NINJ2: variants seen among roughly 807,000 people sequenced by gnomAD.
The protein encoded by NINJ2 is ninjurin 2.
In NINJ2, 12 loss-of-function variants were observed where a neutral mutation model predicts 11.7. The observed-to-expected ratio is 1.02, with a 90% CI of 0.66 to 1.66. The LOEUF (loss-of-function observed/expected upper bound fraction) is 1.66, where lower values mean the gene tolerates loss of function less well. NINJ2 is among the 40% of genes most tolerant of loss of function. The pLI, the probability that NINJ2 is intolerant of heterozygous loss-of-function variation, is 0.00. For synonymous variants in NINJ2, 93 were observed against 76.8 expected, an observed-to-expected ratio of 1.21 and a Z score of -1.10; for missense variants, 187 against 181.8, an observed-to-expected ratio of 1.03 and a Z score of -0.16.
chr12:629,586 T>G (rs1948246582), intron 1 of NINJ2, among the ~76,000 whole-genome samples: 1 of 152,084 alleles, frequency 6.6e-6, no homozygotes, highest in Non-Finnish European at 1.5e-5. Flanking sequence ...GTAAATTGTC[T>G]TAAAACATTA....
rs1947536681 is a variant in NINJ2, at chr12:580,601, AT to A, written c.34-14424del. 1.5e-3 allele frequency among the ~76,000 whole-genome samples: 46 copies of A among 30,958 alleles called. No individual in the cohort carries two copies. Among genetic ancestry groups the A allele is most frequent in the African/African-American group, 3.9e-3 (35 of 9,004 alleles). 20.3% of individuals were successfully genotyped at this position (30,958 alleles called of 152,430 possible). A position where few individuals can be genotyped will look rare whatever the true frequency, so the allele number is the denominator to read the frequency against. On this transcript the variant is annotated intron_variant, in intron 1 of 3. Transcript: ENST00000305108. This position sits in a 1 kb window ranked among gnomAD's most constrained non-coding sequence, Gnocchi z 4.7. ...GACCCTGTCTCAAAAAAAAAAAAAT[AT>A]ATATATATATATATCCATTTGTCAT... is the stretch of plus-strand genomic sequence containing the variant.
intron 1 of NINJ2, chr12:589,721 G>T (rs1008343584): frequency 6.6e-6 from 1 of 152,214 alleles, no homozygotes; most frequent in African/African-American, 2.4e-5. Flanking sequence ...ACAAGCATGT[G>T]CTGGGTATGC....
rs371435239 is a variant in NINJ2, at chr12:566,083, G to T, written c.129C>A (p.Phe43Leu). ...CCTTCAGCCGCATGGCGTTGGACAT[G>T]AACAGGGCCACGTCCAGCATGCTCT... ...VAESMLDVAL[F>L]MSNAMRLKAV... The change falls in exon 2 of 4, where the codon TTC (phenylalanine) becomes TTA (leucine). Residue 43 changes from phenylalanine to leucine, a missense_variant. Coordinates refer to ENST00000305108, the MANE Select transcript of NINJ2 (RefSeq NM_016533.6). 1 of 1,614,200 alleles carries T rather than the reference G, an allele frequency of 6.2e-7. No homozygotes were observed. Among genetic ancestry groups the T allele is most frequent in the South Asian group, 1.1e-5 (1 of 91,080 alleles).
chr12:579,431 A>C (rs1389629723), intron 1 of NINJ2, among the ~76,000 whole-genome samples: 1 of 152,062 alleles, frequency 6.6e-6, no homozygotes, highest in African/African-American at 2.4e-5. Flanking sequence ...GACTCTTGAG[A>C]CCCCCAAATT....
chr12:622,586 T>A (rs1425009882), intron 1 of NINJ2, among the ~76,000 whole-genome samples: 1 of 152,070 alleles, frequency 6.6e-6, no homozygotes, highest in Non-Finnish European at 1.5e-5. Context: ...ACTGCACACG[T>A]TTGCAGCATA....
intron 1 of NINJ2, among the ~76,000 whole-genome samples, chr12:574,476 G>A (rs1172899402): frequency 6.6e-6 from 1 of 152,104 alleles, no homozygotes; most frequent in African/African-American, 2.4e-5. Flanking sequence ...AGGCAATTGG[G>A]TCACGAGGGC....
In NINJ2 at chr12:566,046, G is replaced by GCT. The variant is rs756600982; in HGVS notation, c.164_165dup (p.Gln56SerfsTer36). 3 of 1,614,210 alleles carry GCT rather than the reference G, an allele frequency of 1.9e-6. No homozygotes were observed. The highest frequency in any genetic ancestry group is 4.5e-5 in the East Asian group (2 of 44,874). On this transcript the variant is annotated frameshift_variant, in exon 2 of 4. Coordinates refer to ENST00000305108, the MANE Select transcript of NINJ2 (RefSeq NM_016533.6). LOFTEE classifies it high-confidence loss of function. Reference sequence around the variant, plus strand: ...GTGTAGTAGTGAGAGGATGGTCCCTGCTCCAGCACCGCCTTCAGCCGCATG... The same window carrying GCT: ...GTGTAGTAGTGAGAGGATGGTCCCTGCTCTCCAGCACCGCCTTCAGCCGCATG...
rs1316156798 is a variant in NINJ2 at position 585,533 on chromosome 12, TTGGAGGGAAGGGAAGGGAAC to T, written c.34-19375_34-19356del. ...GGTTGGAGGGAAGGGAAGGGAACGG[TTGGAGGGAAGGGAAGGGAAC>T]GGTTGGAGGGAAGGGAGGCTGAGCA... On this transcript the variant is annotated intron_variant, in intron 1 of 3. Transcript: ENST00000305108. This position sits in a 1 kb window ranked among gnomAD's most constrained non-coding sequence, Gnocchi z 4.1. Among the ~76,000 whole-genome samples, 39,254 of 135,574 alleles carry T rather than the reference TTGGAGGGAAGGGAAGGGAAC, an allele frequency of 0.29. 5,859 individuals are homozygous for T. The highest frequency in any genetic ancestry group is 0.38 in the Admixed American group (5,326 of 14,096). 88.9% of individuals were successfully genotyped at this position (135,574 alleles called of 152,430 possible). A position where few individuals can be genotyped will look rare whatever the true frequency, so the allele number is the denominator to read the frequency against.
At position 604,440 on chromosome 12, in the gene NINJ2, C is replaced by T. The variant is rs189826202; in HGVS notation, c.34-38262G>A. ...ATCACTTGAGGTCAGGAGTTCGAGA[C>T]GAGCCTGGTCAACATGGTGAAACCC... On this transcript the variant is annotated intron_variant, in intron 1 of 3. Transcript: ENST00000305108. Among the ~76,000 whole-genome samples, 274 of 152,200 alleles carry T rather than the reference C, an allele frequency of 1.8e-3. 1 individual carries two copies. The highest frequency in any genetic ancestry group is 6.3e-3 in the African/African-American group (261 of 41,518).
intron 1 of NINJ2, among the ~76,000 whole-genome samples, chr12:572,170 G>A (rs961955241): frequency 1.3e-5 from 2 of 152,252 alleles, no homozygotes; most frequent in African/African-American, 4.8e-5. Flanking sequence ...GAGTAATCTA[G>A]GGATGGGAAA....
intron 1 of NINJ2, among the ~76,000 whole-genome samples, chr12:619,797 C>T (rs560116983): frequency 1.3e-5 from 2 of 152,322 alleles, no homozygotes; most frequent in East Asian, 3.9e-4. Context: ...ATAGTGACTA[C>T]CATTTCAGGG....
intron 1 of NINJ2, among the ~76,000 whole-genome samples, chr12:642,195 GA>G (rs912614520): frequency 6.6e-6 from 1 of 151,874 alleles, no homozygotes; most frequent in African/African-American, 2.4e-5. Flanking sequence ...AATCAGAGAG[GA>G]AAAAAAAGTC....
intron 1 of NINJ2, among the ~76,000 whole-genome samples, chr12:570,012 G>A (rs1380871752): frequency 6.6e-6 from 1 of 152,230 alleles, no homozygotes; most frequent in Admixed American, 6.5e-5. Context: ...CGCGCAGGAC[G>A]GGATTAATGG....
chr12:660,476 G>A (rs905303294), intron 1 of NINJ2, among the ~76,000 whole-genome samples: 1 of 151,506 alleles, frequency 6.6e-6, no homozygotes, highest in Non-Finnish European at 1.5e-5. Flanking sequence ...GAGTAGCTGG[G>A]ACTACAGGCG....
At chr12:604,898 CA>C (rs1947920899) in intron 1 of NINJ2, among the ~76,000 whole-genome samples, 1 of 152,214 alleles carries the variant, frequency 6.6e-6, no homozygotes, top group Non-Finnish European at 1.5e-5. Flanking sequence ...TTTTCCAGAG[CA>C]GTGCTCTTGC....
intron 1 of NINJ2, 24 bp downstream of exon 1, chr12:663,304 T>C (rs1311939899): frequency 6.2e-7 from 1 of 1,611,366 alleles, no homozygotes; most frequent in South Asian, 1.1e-5. Context: ...GTCTCCCCTC[T>C]GCTCTCTTCC....
chr12:577,444 A>AC (rs1947483040), intron 1 of NINJ2, among the ~76,000 whole-genome samples: 3 of 66,084 alleles, frequency 4.5e-5, no homozygotes, highest in Non-Finnish European at 7.5e-5. Flanking sequence ...TATATATATA[A>AC]ATATTTTGGC....
At chr12:651,000 G>A (rs1359384342) in intron 1 of NINJ2, among the ~76,000 whole-genome samples, 6 of 152,158 alleles carry the variant, frequency 3.9e-5, no homozygotes, top group Non-Finnish European at 8.8e-5. Context: ...GGGAGTTAGT[G>A]CCAGCTAGGA....
At chr12:579,341 T>G in intron 1 of NINJ2, among the ~76,000 whole-genome samples, 1 of 151,930 alleles carries the variant, frequency 6.6e-6, no homozygotes, top group Admixed American at 6.6e-5. Context: ...ACAAACCTGT[T>G]TCCAGCTCCT....
Sources: gnomAD v4.1 joint callset for allele counts (sites outside exome capture counted in the v4.1 genomes callset) on GRCh38, gnomAD v4.1.1 for gene constraint, Gnocchi (gnomAD v3.1) non-coding constraint, MANE v1.5 for transcripts, NCBI Gene and HGNC (gene_info 2026-07-23, HGNC 2026-07-21) for gene names.